The following KDM1A variants were observed in gnomAD, a reference collection of about 807,000 sequenced individuals.
KDM1A encodes lysine demethylase 1A.
In KDM1A, 49 loss-of-function variants were observed where a neutral mutation model predicts 109.4. That is an observed-to-expected ratio of 0.45 (90% CI 0.36 to 0.57). The LOEUF (loss-of-function observed/expected upper bound fraction) is 0.57, where lower values mean the gene tolerates loss of function less well. KDM1A is among the 20% of genes least tolerant of loss of function. KDM1A has a pLI of 0.00. For missense variants in KDM1A, 668 were observed against 1,116.6 expected (o/e 0.60, Z 5.73); for synonymous variants, 380 against 415.4 (o/e 0.91, Z 1.04).
chr1:23,058,744 T>C (rs1211896113), intron 8 of KDM1A, among the ~76,000 whole-genome samples: 1 of 152,200 alleles, frequency 6.6e-6, no homozygotes, highest in Non-Finnish European at 1.5e-5. Flanking sequence ...AGCTCCGTAT[T>C]AGCGTAAAAC....
In KDM1A at chr1:23,053,803, G is replaced by C. The variant is rs1239941955; in HGVS notation, c.754G>C (p.Glu252Gln). Residue 252 changes from glutamate (E) to glutamine (Q), a missense_variant, in exon 5 of 21, where the codon GAG (glutamate) becomes CAG (glutamine). Glu to Gln is a conservative substitution (Grantham distance 29). Around this residue, in one of 8 missense-constraint regions of KDM1A, gnomAD observed 149 missense variants for 189.7 expected, o/e 0.79. Coordinates refer to ENST00000400181, the MANE Select transcript of KDM1A (RefSeq NM_001009999.3). ...TAATCCAAAGATTCAGCTGACATTTGAGGCTACTCTCCAACAATTAGAAGC... is the reference window on the plus strand; with the variant it reads ...TAATCCAAAGATTCAGCTGACATTTCAGGCTACTCTCCAACAATTAGAAGC... ...LDNPKIQLTF[E>Q]ATLQQLEAPY... 6.2e-7 allele frequency: 1 copy of C among 1,610,222 alleles called. No homozygotes were observed. The highest frequency in any genetic ancestry group is 8.5e-7 in the Non-Finnish European group (1 of 1,176,622).
In KDM1A at chr1:23,056,096, T is replaced by C; in HGVS notation, c.990+58T>C. On this transcript the variant is annotated intron_variant, in intron 7 of 20. Transcript: ENST00000400181. ...CCTATTGGAAATATGGTAAGCAAATTATCTGTTGCAAATTAAAGAATTATA... is the reference window on the plus strand; with the variant it reads ...CCTATTGGAAATATGGTAAGCAAATCATCTGTTGCAAATTAAAGAATTATA... 5.3e-6 allele frequency: 6 copies of C among 1,128,906 alleles called. 2 individuals carry two copies. The South Asian group carries it at 6.3e-5, about 12-fold the overall frequency. The allele number at this position is 1,128,906 out of a possible 1,614,324, so 69.9% of individuals were successfully genotyped here. A position where few individuals can be genotyped will look rare whatever the true frequency, so the allele number is the denominator to read the frequency against.
chr1:23,022,598 C>T (rs1351353675), intron 1 of KDM1A, among the ~76,000 whole-genome samples: 3 of 151,732 alleles, frequency 2.0e-5, no homozygotes, highest in Non-Finnish European at 2.9e-5. Flanking sequence ...CCTCGGCCTC[C>T]CAAAGTGCTG....
chr1:23,031,228 A>G (rs1026800022), intron 2 of KDM1A, among the ~76,000 whole-genome samples: 2 of 152,202 alleles, frequency 1.3e-5, no homozygotes, highest in South Asian at 4.1e-4. Context: ...CATCCCCTCA[A>G]TGCTGAGTAC....
intron 9 of KDM1A, 163 bp downstream of exon 9, chr1:23,059,330 ACT>A (rs200504041): frequency 1.4e-5 from 10 of 710,130 alleles, no homozygotes; most frequent in Non-Finnish European, 2.3e-5. Context: ...TTGTTTCTTA[ACT>A]CTTGAGCTAT....
Position 23,079,295 on chromosome 1 carries a change from G to A in KDM1A, c.2055+118G>A. On this transcript the variant is annotated intron_variant, in intron 17 of 20. Coordinates refer to ENST00000400181, the MANE Select transcript of KDM1A (RefSeq NM_001009999.3). The surrounding 1 kb of genome is among the most constrained non-coding windows in gnomAD (Gnocchi z 5.6). Reference sequence around the variant, plus strand: ...GGCATTTGGCTATGCTCCCAATTGTGACATCAGGGCTGAGGCGTGTCAGTT... The same window carrying A: ...GGCATTTGGCTATGCTCCCAATTGTAACATCAGGGCTGAGGCGTGTCAGTT... The A allele has an allele frequency of 9.7e-7, 1 of 1,029,130 alleles. No homozygotes were observed. Among genetic ancestry groups the A allele is most frequent in the Non-Finnish European group, 1.4e-6 (1 of 698,094 alleles). 63.7% of individuals were successfully genotyped at this position (1,029,130 alleles called of 1,614,324 possible).
intron 15 of KDM1A, among the ~76,000 whole-genome samples, chr1:23,075,928 C>A (rs1643451658): frequency 6.6e-6 from 1 of 151,696 alleles, no homozygotes; most frequent in Admixed American, 6.6e-5. Flanking sequence ...GCCTGGGCAA[C>A]AAGAGCAAAA....
At chr1:23,062,900 T>C (rs1433965956) in intron 9 of KDM1A, among the ~76,000 whole-genome samples, 1 of 152,210 alleles carries the variant, frequency 6.6e-6, no homozygotes, top group East Asian at 1.9e-4. Flanking sequence ...GTATAGCAGC[T>C]GCCTTCAGTT....
chr1:23,052,786 G>A (rs1421609294), intron 4 of KDM1A, among the ~76,000 whole-genome samples: 1 of 152,094 alleles, frequency 6.6e-6, no homozygotes, highest in African/African-American at 2.4e-5. Flanking sequence ...TGCTTTGTAA[G>A]ATGATCCTTA....
rs749781563 is a variant in KDM1A at position 23,030,466 on chromosome 1, T to C, written c.352-3T>C. On this transcript the variant is annotated splice_polypyrimidine_tract_variant and splice_region_variant and intron_variant, in intron 1 of 20. Transcript: ENST00000400181. ...AGCTTTCCCTGGTATGATCTCCATA[T>C]AGGTAGAGTACAGAGAGATGGATGA... 6.4e-6 allele frequency: 10 copies of C among 1,552,882 alleles called. No homozygotes were observed. The Admixed American group carries it at 1.1e-4, about 17-fold the overall frequency.
In KDM1A at chr1:23,059,134, A is replaced by G. The variant is rs762618469; in HGVS notation, c.1134A>G (p.Gln378=). Residue 378 remains glutamine (Q), a synonymous_variant, in exon 9 of 21, where the codon CAA becomes CAG. Coordinates refer to ENST00000400181, the MANE Select transcript of KDM1A (RefSeq NM_001009999.3). ...ATATGGAACTGGCCAAGATCAAGCA[A>G]AAATGCCCACTTTATGAAGCCAACG... ...QVNMELAKIK[Q]KCPLYEANGQ... The G allele has an allele frequency of 8.7e-6, 14 of 1,613,332 alleles. No individual in the cohort carries two copies. Among genetic ancestry groups the G allele is most frequent in the Non-Finnish European group, 1.2e-5 (14 of 1,179,652 alleles).
chr1:23,019,590 G>A lies in KDM1A; in HGVS notation c.-7G>A. On this transcript the variant is annotated 5_prime_UTR_variant, in exon 1 of 21. Transcript: ENST00000400181. ...CCCTACGGCCGTCGGCGGCCCGGCG[G>A]CCCGAGATGTTATCTGGGAAGAAGG... The A allele has an allele frequency of 1.4e-6, 2 of 1,409,546 alleles. No individual in the cohort carries two copies. Among genetic ancestry groups the A allele is most frequent in the Non-Finnish European group, 1.8e-6 (2 of 1,091,416 alleles). 87.3% of individuals were successfully genotyped at this position (1,409,546 alleles called of 1,614,324 possible). A position where few individuals can be genotyped will look rare whatever the true frequency, so the allele number is the denominator to read the frequency against.
intron 19 of KDM1A, chr1:23,082,009 G>GTATCATT: frequency 7.6e-6 from 2 of 264,510 alleles, no homozygotes; most frequent in Non-Finnish European, 1.3e-5. Flanking sequence ...TTCATAGACA[G>GTATCATT]GAAGGCAACA....
At position 23,040,467 on chromosome 1, in the gene KDM1A, T is replaced by C. The variant is rs193220036; in HGVS notation, c.518-3960T>C. Among the ~76,000 whole-genome samples, 23 of 152,294 alleles carry C rather than the reference T, an allele frequency of 1.5e-4. No homozygotes were observed. In the East Asian group the frequency reaches 4.2e-3, roughly 28 times the overall value. On this transcript the variant is annotated intron_variant, in intron 2 of 20. Coordinates refer to ENST00000400181, the MANE Select transcript of KDM1A (RefSeq NM_001009999.3). The stretch of plus-strand genomic sequence containing the variant: ...AAATCAAAAAGATCTTCATTTTCAA[T>C]TTGGAGTAGCTGTGTACAAATAAGC...
chr1:23,071,210 A>G lies in KDM1A; in HGVS notation c.1414-15A>G, dbSNP rs761815462. 6.6e-5 allele frequency: 105 copies of G among 1,589,522 alleles called. No individual in the cohort carries two copies. In the East Asian group the frequency reaches 6.7e-4, roughly 10 times the overall value. The stretch of plus-strand genomic sequence containing the variant: ...TTGCTATCTGGAATGGTAAATTTGT[A>G]TTTTTCCTTCTTAGATGGTAAATTT... On this transcript the variant is annotated splice_polypyrimidine_tract_variant and intron_variant, in intron 12 of 20. Transcript: ENST00000400181.
chr1:23,060,089 A>G (rs549872631), intron 9 of KDM1A, among the ~76,000 whole-genome samples: 24 of 152,268 alleles, frequency 1.6e-4, no homozygotes, highest in South Asian at 1.2e-3. Context: ...TCATGGTCCA[A>G]ATTTCCCACC....
At chr1:23,053,707 T>C (rs1642740172) in intron 4 of KDM1A, 54 bp from the exon 5 acceptor site, 3 of 1,214,896 alleles carry the variant, frequency 2.5e-6, no homozygotes, top group African/African-American at 1.5e-5. Flanking sequence ...TTAAAGATAG[T>C]CAAATAACAT....
rs6682560 is a variant in KDM1A, at chr1:23,030,789, A to T, written c.517+155A>T. Among the ~76,000 whole-genome samples, 22,841 of 152,148 alleles carry T rather than the reference A, an allele frequency of 0.15. 1,847 individuals are homozygous for T. Among genetic ancestry groups the T allele is most frequent in the Middle Eastern group, 0.29 (86 of 294 alleles). ...GCCATGTGTGTCTTTGTGTGTGTGT[A>T]TACATATACATGTATATGTGTGTAT... On this transcript the variant is annotated intron_variant, in intron 2 of 20. Transcript: ENST00000400181.
In KDM1A at chr1:23,066,086, AT is replaced by A; in HGVS notation, c.1179+20del. ...ACACTGTCAAGGTATTTTTTTCATAATTTTTCAAATCATTTTCCTCACTGTT... is the reference window on the plus strand; with the variant it reads ...ACACTGTCAAGGTATTTTTTTCATAATTTTCAAATCATTTTCCTCACTGTT... On this transcript the variant is annotated intron_variant, in intron 10 of 20. Coordinates refer to ENST00000400181, the MANE Select transcript of KDM1A (RefSeq NM_001009999.3). 2 of 1,543,552 alleles carry A rather than the reference AT, an allele frequency of 1.3e-6. No homozygotes were observed. The highest frequency in any genetic ancestry group is 1.1e-5 in the South Asian group (1 of 89,178).
Sources: allele counts gnomAD v4.1 joint callset (sites outside exome capture counted in the v4.1 genomes callset), GRCh38; gene constraint gnomAD v4.1.1; regional missense constraint gnomAD v4.1.1; non-coding constraint Gnocchi (gnomAD v3.1); transcripts MANE v1.5; gene names NCBI Gene and HGNC (gene_info 2026-07-23, HGNC 2026-07-21).